Variants in RAPGEF2 observed in about 807,000 individuals in gnomAD.
RAPGEF2 encodes PDZ domain containing guanine nucleotide exchange factor (GEF) 1.
Under a neutral mutation model 186.7 loss-of-function variants are expected in RAPGEF2, and 54 were observed. The ratio of observed to expected loss-of-function variants is 0.29; its 90% confidence interval spans 0.23 to 0.36. RAPGEF2 has a LOEUF of 0.36. Among genes scored for constraint, RAPGEF2 ranks in the 10% least tolerant of loss-of-function variants. The probability of loss-of-function intolerance (pLI) is 1.00; values close to 1 mark genes in which losing one functional copy is unlikely to be tolerated. For missense variants in RAPGEF2, 1,532 were observed against 2,045.0 expected (o/e 0.75, Z 4.84); for synonymous variants, 712 against 705.9 (o/e 1.01, Z -0.14).
chr4:159,350,078 A>G (rs1730952651), intron 25 of RAPGEF2, 59 bp from the exon 26 acceptor site: 8 of 1,238,382 alleles, frequency 6.5e-6, no homozygotes, highest in Non-Finnish European at 8.8e-6. Flanking sequence ...TTATTCATAA[A>G]TGGTGTTTAT....
chr4:159,303,225 C>A (rs946943186), intron 7 of RAPGEF2, among the ~76,000 whole-genome samples: 1 of 152,042 alleles, frequency 6.6e-6, no homozygotes, highest in Non-Finnish European at 1.5e-5. Flanking sequence ...AAACTGTCTC[C>A]CTTGTGAGGC....
In RAPGEF2 at chr4:159,325,891, T is replaced by G. The variant is rs923695618; in HGVS notation, c.1149+2274T>G. 3.3e-5 allele frequency among the ~76,000 whole-genome samples: 5 copies of G among 152,170 alleles called. No individual in the cohort carries two copies. The South Asian group carries it at 6.2e-4, about 19-fold the overall frequency. The stretch of plus-strand genomic sequence containing the variant: ...GTGAGGGATTAGTAGGAAACCCAGA[T>G]AGTCAACAGGGAAGAGTCCAATTCA... On this transcript the variant is annotated intron_variant, in intron 11 of 29. Transcript: ENST00000691494.
At chr4:159,153,278 A>G (rs1743760141) in intron 1 of RAPGEF2, among the ~76,000 whole-genome samples, 1 of 152,160 alleles carries the variant, frequency 6.6e-6, no homozygotes, top group South Asian at 2.1e-4. Flanking sequence ...AACTTTAAAA[A>G]GAAATCTTGC....
chr4:159,179,137 T>A (rs1013003211), intron 1 of RAPGEF2, among the ~76,000 whole-genome samples: 2 of 152,188 alleles, frequency 1.3e-5, no homozygotes, highest in Non-Finnish European at 2.9e-5. Context: ...AAATGCTGCT[T>A]CCTGGTTAAA....
chr4:159,140,684 A>C (rs1282702589), intron 1 of RAPGEF2, among the ~76,000 whole-genome samples: 1 of 152,164 alleles, frequency 6.6e-6, no homozygotes, highest in Non-Finnish European at 1.5e-5. Context: ...ATAGGAAATG[A>C]AATTAACAAG....
chr4:159,241,624 T>TAA (rs1754020078), intron 6 of RAPGEF2, among the ~76,000 whole-genome samples: 1 of 151,218 alleles, frequency 6.6e-6, no homozygotes, highest in Non-Finnish European at 1.5e-5. Flanking sequence ...GATTAGTTTT[T>TAA]AAAAGACATT....
chr4:159,225,920 T>C (rs997365840), intron 4 of RAPGEF2, among the ~76,000 whole-genome samples: 1 of 152,184 alleles, frequency 6.6e-6, no homozygotes, highest in African/African-American at 2.4e-5. Context: ...TTCCTCCTAA[T>C]CTAACATGTG....
At chr4:159,188,700 T>C (rs1311950973) in intron 2 of RAPGEF2, among the ~76,000 whole-genome samples, 2 of 148,664 alleles carry the variant, frequency 1.3e-5, no homozygotes. Context: ...AAAGAAAAGG[T>C]ATAAAAATAC....
rs1346378082 is a variant in RAPGEF2, at chr4:159,350,292, A to G, written c.3865+3A>G. The G allele has an allele frequency of 1.9e-6, 3 of 1,541,940 alleles. No homozygotes were observed. The highest frequency in any genetic ancestry group is 2.6e-6 in the Non-Finnish European group (3 of 1,147,800). On this transcript the variant is annotated splice_donor_region_variant and intron_variant, in intron 26 of 29. Transcript: ENST00000691494. ...TCCACAGAGTTCTCCAAGGAAAGGT[A>G]GAATTAAATTACTTTTTGTTTTCTT...
chr4:159,336,547 C>T (rs1203535533), intron 17 of RAPGEF2, among the ~76,000 whole-genome samples: 2 of 152,176 alleles, frequency 1.3e-5, no homozygotes, highest in African/African-American at 2.4e-5. Flanking sequence ...GCTATAAACA[C>T]ATTTTCTTTA....
chr4:159,230,951 T>A (rs1752565437), intron 4 of RAPGEF2, among the ~76,000 whole-genome samples: 2 of 152,136 alleles, frequency 1.3e-5, no homozygotes, highest in African/African-American at 4.8e-5. Context: ...TCAGTGAACA[T>A]TTGGAAGAGG....
intron 1 of RAPGEF2, among the ~76,000 whole-genome samples, chr4:159,185,904 A>G (rs1015238516): frequency 6.6e-6 from 1 of 152,182 alleles, no homozygotes; most frequent in Non-Finnish European, 1.5e-5. Context: ...CTAAGGTTTA[A>G]GAGAGGAGTA....
At position 159,346,908 on chromosome 4, in the gene RAPGEF2, G is replaced by T. The variant is rs778666748; in HGVS notation, c.3622G>T (p.Ala1208Ser). 1.2e-6 allele frequency: 2 copies of T among 1,614,142 alleles called. No individual in the cohort carries two copies. Among genetic ancestry groups the T allele is most frequent in the Non-Finnish European group, 1.7e-6 (2 of 1,180,022 alleles). The change falls in exon 25 of 30, where the codon GCA becomes TCA. Residue 1208 changes from alanine to serine, a missense_variant. Coordinates refer to ENST00000691494, the MANE Select transcript of RAPGEF2 (RefSeq NM_001394067.2). The stretch of plus-strand genomic sequence containing the variant: ...ACAGCCCCAGCAGCAGCCACCACCA[G>T]CACATAAAATCAACCAGGGACTACA... ...LPQPQQQPPP[A>S]HKINQGLQVP...
intron 11 of RAPGEF2, among the ~76,000 whole-genome samples, chr4:159,325,603 G>GT (rs11383811): frequency 0.52 from 78,851 of 150,604 alleles, 21,219 homozygotes; most frequent in Non-Finnish European, 0.6. Flanking sequence ...AAGTTTGTTT[G>GT]TTTTTTTTTG....
chr4:159,153,270 C>G (rs1743758967), intron 1 of RAPGEF2, among the ~76,000 whole-genome samples: 2 of 152,194 alleles, frequency 1.3e-5, no homozygotes, highest in South Asian at 4.1e-4. Flanking sequence ...ATCTGGGGAA[C>G]TTTAAAAAGA....
At chr4:159,285,689 A>G (rs1760362742) in intron 7 of RAPGEF2, among the ~76,000 whole-genome samples, 1 of 152,188 alleles carries the variant, frequency 6.6e-6, no homozygotes, top group South Asian at 2.1e-4. Flanking sequence ...GCTTAGCTCA[A>G]AAGGAAGAGA....
intron 7 of RAPGEF2, among the ~76,000 whole-genome samples, chr4:159,254,046 A>G (rs1361399398): frequency 6.6e-6 from 1 of 152,248 alleles, no homozygotes; most frequent in Non-Finnish European, 1.5e-5. Context: ...CATTGTAACA[A>G]AAGTGCTTTA....
At chr4:159,224,595 A>G (rs1262696864) in intron 4 of RAPGEF2, among the ~76,000 whole-genome samples, 1 of 152,186 alleles carries the variant, frequency 6.6e-6, no homozygotes, top group Non-Finnish European at 1.5e-5. Flanking sequence ...GGTTTGCCAC[A>G]TCTGAGTTGG....
chr4:159,181,036 T>C (rs1268428408), intron 1 of RAPGEF2, among the ~76,000 whole-genome samples: 31 of 152,228 alleles, frequency 2.0e-4, no homozygotes, highest in Admixed American at 2.0e-3. Context: ...GTTAAATCCA[T>C]GTATATCATA....
Sources: gnomAD v4.1 joint callset for allele counts (sites outside exome capture counted in the v4.1 genomes callset) on GRCh38, gnomAD v4.1.1 for gene constraint, MANE v1.5 for transcripts, NCBI Gene and HGNC (gene_info 2026-07-23, HGNC 2026-07-21) for gene names.